The following ELF2 variants were observed in gnomAD, a reference collection of about 807,000 sequenced individuals.
The protein encoded by ELF2 is E74 like ETS transcription factor 2, also known as ETS-related transcription factor Elf-2.
In ELF2, 11 loss-of-function variants were observed where a neutral mutation model predicts 54.8. The ratio of observed to expected loss-of-function variants is 0.20; its 90% CI spans 0.13 to 0.33. ELF2 has a LOEUF of 0.33. Among genes scored for constraint, ELF2 ranks in the 10% least tolerant of loss-of-function variants. The pLI is 1.00. For synonymous variants in ELF2, 203 were observed against 245.1 expected (o/e 0.83, Z 1.61); for missense variants, 513 against 703.0 (o/e 0.73, Z 3.06).
intron 1 of ELF2, among the ~76,000 whole-genome samples, chr4:139,162,921 AC>A (rs1431111580): frequency 6.6e-6 from 1 of 151,888 alleles, no homozygotes; most frequent in Admixed American, 6.6e-5. Flanking sequence ...ACACGGCAAG[AC>A]TCTGTCTCTA....
Position 139,131,674 on chromosome 4 carries a change from C to T in ELF2, c.72+5956G>A, listed in dbSNP as rs548646536. ...AGGCTTTAGGGAGGACTCATCTCCC[C>T]TACCTCTCATGGTTTAACCCCAGAA... On this transcript the variant is annotated intron_variant, in intron 3 of 9. Coordinates refer to ENST00000686138, the MANE Select transcript of ELF2 (RefSeq NM_001331036.3). Among the ~76,000 whole-genome samples, 16 of 152,196 alleles carry T rather than the reference C, an allele frequency of 1.1e-4. 1 individual carries two copies. Among genetic ancestry groups the T allele is most frequent in the African/African-American group, 3.6e-4 (15 of 41,542 alleles).
intron 8 of ELF2, among the ~76,000 whole-genome samples, chr4:139,061,320 G>A (rs969320658): frequency 2.0e-5 from 3 of 151,720 alleles, no homozygotes; most frequent in East Asian, 3.9e-4. Flanking sequence ...GATTACAGGC[G>A]AGCGCCACCA....
intron 4 of ELF2, among the ~76,000 whole-genome samples, chr4:139,122,921 G>A (rs1053094111): frequency 6.6e-6 from 1 of 151,854 alleles, no homozygotes; most frequent in Non-Finnish European, 1.5e-5. Flanking sequence ...ACGCTGGCTT[G>A]TGCCTATAAT....
chr4:139,059,634 A>T, intron 9 of ELF2, 27 bp from the exon 10 acceptor site: 2 of 1,584,194 alleles, frequency 1.3e-6, no homozygotes, highest in East Asian at 2.2e-5. Context: ...AAAAAAGCTG[A>T]TTATATTTAA....
intron 4 of ELF2, among the ~76,000 whole-genome samples, chr4:139,085,356 A>G (rs768828976): frequency 7.2e-5 from 11 of 152,258 alleles, no homozygotes; most frequent in Non-Finnish European, 1.3e-4. Flanking sequence ...CCTCCTACAG[A>G]GTAAGTGCTC....
At chr4:139,073,659 G>A (rs1729846548) in intron 4 of ELF2, 92 bp from the exon 5 acceptor site, 1 of 582,972 alleles carries the variant, frequency 1.7e-6, no homozygotes, top group African/African-American at 1.9e-5. Context: ...ACTCCTGAAA[G>A]AGAAATGAAA....
At chr4:139,177,423 G>T (rs896958200), upstream of ELF2, among the ~76,000 whole-genome samples, 6 of 151,776 alleles carry the variant, frequency 4.0e-5, no homozygotes, top group Non-Finnish European at 5.9e-5. Flanking sequence ...ACGCGGGCCG[G>T]CTATTTATAC....
rs1731729653 is a variant in ELF2, at chr4:139,084,468, C to T, written c.239-10901G>A. 7 of 1,064,810 alleles carry T rather than the reference C, an allele frequency of 6.6e-6. No individual in the cohort carries two copies. In the South Asian group the frequency reaches 2.4e-4, roughly 36 times the overall value. The allele number at this position is 1,064,810 out of a possible 1,614,324, so 66.0% of individuals were successfully genotyped here. On this transcript the variant is annotated intron_variant, in intron 4 of 9. Coordinates refer to ENST00000686138, the MANE Select transcript of ELF2 (RefSeq NM_001331036.3). ...GCGGCGGCGGCGGCGGCGGCTGTGG[C>T]TGTGGCGGCCGCCGCAGCTGGCAAC... is the stretch of plus-strand genomic sequence containing the variant.
chr4:139,160,580 TA>T (rs1741030580), intron 1 of ELF2, among the ~76,000 whole-genome samples: 12 of 152,122 alleles, frequency 7.9e-5, no homozygotes, highest in Admixed American at 6.5e-4. Context: ...AATAAAACCA[TA>T]ATTATCAGGA....
At chr4:139,120,140 T>C (rs1736163638) in intron 4 of ELF2, among the ~76,000 whole-genome samples, 1 of 152,236 alleles carries the variant, frequency 6.6e-6, no homozygotes, top group African/African-American at 2.4e-5. Context: ...AAAATCATCA[T>C]GACTATTACC....
chr4:139,167,263 A>C (rs975380885), intron 1 of ELF2, among the ~76,000 whole-genome samples: 3 of 152,218 alleles, frequency 2.0e-5, no homozygotes, highest in African/African-American at 7.2e-5. Context: ...TGTGCACACA[A>C]TGTCTGGGTT....
chr4:139,141,598 C>A (rs1458965984), intron 1 of ELF2, among the ~76,000 whole-genome samples: 1 of 152,168 alleles, frequency 6.6e-6, no homozygotes, highest in African/African-American at 2.4e-5. Context: ...TAGAAAGAGA[C>A]CAGGTAGACT....
intron 1 of ELF2, among the ~76,000 whole-genome samples, chr4:139,139,983 G>A (rs542138126): frequency 3.3e-4 from 50 of 152,254 alleles, no homozygotes; most frequent in South Asian, 2.7e-3. Flanking sequence ...AGGCTGGATC[G>A]CAGTGGTGAG....
intron 1 of ELF2, among the ~76,000 whole-genome samples, chr4:139,173,458 A>G (rs1477620343): frequency 6.6e-6 from 1 of 152,154 alleles, no homozygotes; most frequent in Non-Finnish European, 1.5e-5. Context: ...ATTACTCATC[A>G]ATAAAAAAAA....
chr4:139,071,092 G>T (rs3805212), intron 6 of ELF2, among the ~76,000 whole-genome samples: 1 of 152,028 alleles, frequency 6.6e-6, no homozygotes, highest in Non-Finnish European at 1.5e-5. Context: ...TAGTGGGATG[G>T]GGGGAGCAGA....
chr4:139,172,017 T>C (rs1036036897), intron 1 of ELF2, among the ~76,000 whole-genome samples: 2 of 152,236 alleles, frequency 1.3e-5, no homozygotes, highest in Non-Finnish European at 2.9e-5. Flanking sequence ...CTCTCAAACA[T>C]TGCTGTTAGC....
intron 1 of ELF2, among the ~76,000 whole-genome samples, chr4:139,156,414 C>T (rs539054191): frequency 3.9e-5 from 6 of 152,234 alleles, no homozygotes; most frequent in African/African-American, 1.2e-4. Flanking sequence ...CTCCTGACCT[C>T]GTGATCCACC....
chr4:139,133,345 A>G (rs72724738), intron 3 of ELF2, among the ~76,000 whole-genome samples: 9,982 of 152,158 alleles, frequency 0.066, 468 homozygotes, highest in Middle Eastern at 0.12. Flanking sequence ...TGTGGTTTTA[A>G]TTTACATTTC....
At chr4:139,072,077 C>T (rs1360326431) in intron 5 of ELF2, 38 bp from the exon 6 acceptor site, 2 of 1,593,652 alleles carry the variant, frequency 1.3e-6, no homozygotes, top group South Asian at 1.1e-5. Context: ...TTTCCCACCC[C>T]CATCAATGTT....
Sources: gnomAD v4.1 joint callset for allele counts (sites outside exome capture counted in the v4.1 genomes callset) on GRCh38, gnomAD v4.1.1 for gene constraint, MANE v1.5 for transcripts, NCBI Gene and HGNC (gene_info 2026-07-23, HGNC 2026-07-21) for gene names.